RGS7: variants seen among roughly 807,000 people sequenced by gnomAD.
RGS7 encodes regulator of G protein signaling 7.
In RGS7, 27 loss-of-function variants were observed where a neutral mutation model predicts 81.1. The ratio of observed to expected loss-of-function variants is 0.33; its 90% CI spans 0.25 to 0.46. RGS7 has a LOEUF of 0.46. Ranked by LOEUF, RGS7 falls within the 20% of genes least tolerant of loss-of-function variation. The pLI, the probability that RGS7 is intolerant of heterozygous loss-of-function variation, is 1.00. For synonymous variants in RGS7, 208 were observed against 207.7 expected, an observed-to-expected ratio of 1.00 and a Z score of -0.01; for missense variants, 396 against 607.4, an observed-to-expected ratio of 0.65 and a Z score of 3.66.
intron 3 of RGS7, among the ~76,000 whole-genome samples, chr1:241,016,341 G>A (rs538726220): frequency 1.7e-4 from 26 of 152,058 alleles, no homozygotes; most frequent in South Asian, 1.7e-3. Context: ...AACATCGTGA[G>A]ACCCTGTCTC....
intron 2 of RGS7, among the ~76,000 whole-genome samples, chr1:241,180,084 C>T (rs2071477044): frequency 6.6e-6 from 1 of 151,980 alleles, no homozygotes; most frequent in African/African-American, 2.4e-5. Context: ...CTGATAAACA[C>T]AGAAAGTGGG....
intron 2 of RGS7, among the ~76,000 whole-genome samples, chr1:241,170,236 T>G (rs1389061204): frequency 6.6e-6 from 1 of 152,222 alleles, no homozygotes; most frequent in East Asian, 1.9e-4. Flanking sequence ...TGCTTTCAAT[T>G]ATTTCCCAAA....
At chr1:240,983,299 A>C (rs577685067) in intron 3 of RGS7, among the ~76,000 whole-genome samples, 170 bp from the exon 4 acceptor site, 1 of 152,352 alleles carries the variant, frequency 6.6e-6, no homozygotes, top group South Asian at 2.1e-4. Flanking sequence ...CAAAGTATGG[A>C]TACTTAGCTG....
intron 18 of RGS7, among the ~76,000 whole-genome samples, chr1:240,788,110 G>A (rs1685370182): frequency 6.6e-6 from 1 of 152,186 alleles, no homozygotes; most frequent in Non-Finnish European, 1.5e-5. Context: ...CCCATTTTAA[G>A]TGTCACTCAG....
Position 240,855,034 on chromosome 1 carries a change from T to C in RGS7, c.609+13553A>G, listed in dbSNP as rs191043600. Among the ~76,000 whole-genome samples, 394 of 152,294 alleles carry C rather than the reference T, an allele frequency of 2.6e-3. 1 individual carries two copies. The highest frequency in any genetic ancestry group is 3.8e-3 in the Non-Finnish European group (259 of 68,028). Reference sequence around the variant, plus strand: ...TCCACAATTTTTCAGAGTATAAATGTGACATCTCTTTATAGAAAATTAAAA... The same window carrying C: ...TCCACAATTTTTCAGAGTATAAATGCGACATCTCTTTATAGAAAATTAAAA... On this transcript the variant is annotated intron_variant, in intron 9 of 18. Coordinates refer to ENST00000440928, the MANE Select transcript of RGS7 (RefSeq NM_001364886.1).
At chr1:240,854,867 A>C (rs1660780754) in intron 9 of RGS7, among the ~76,000 whole-genome samples, 1 of 152,142 alleles carries the variant, frequency 6.6e-6, no homozygotes, top group African/African-American at 2.4e-5. Context: ...CAGAGTTTCT[A>C]CATGTTGTCC....
At chr1:241,158,955 C>T (rs1452835953) in intron 2 of RGS7, among the ~76,000 whole-genome samples, 1 of 152,144 alleles carries the variant, frequency 6.6e-6, no homozygotes, top group Non-Finnish European at 1.5e-5. Flanking sequence ...CTATCTGTCT[C>T]TCCATCCATC....
chr1:240,898,009 G>C (rs1374958157), intron 6 of RGS7, among the ~76,000 whole-genome samples: 1 of 152,156 alleles, frequency 6.6e-6, no homozygotes, highest in Non-Finnish European at 1.5e-5. Context: ...GTTTAGCCTT[G>C]GGAGTGTGTA....
intron 2 of RGS7, chr1:241,305,454 C>T (rs1274709618): frequency 6.6e-6 from 1 of 151,582 alleles, no homozygotes; most frequent in Admixed American, 6.6e-5. Flanking sequence ...TCCCCTGAGA[C>T]ACTTATAAAA....
At chr1:240,777,001 T>G (rs1009898645) in intron 18 of RGS7, among the ~76,000 whole-genome samples, 3 of 152,128 alleles carry the variant, frequency 2.0e-5, no homozygotes, top group Non-Finnish European at 2.9e-5. Flanking sequence ...TCTAGAGAGA[T>G]AAGAAATTTG....
chr1:240,916,543 G>A (rs1672655225), intron 6 of RGS7, among the ~76,000 whole-genome samples: 1 of 152,098 alleles, frequency 6.6e-6, no homozygotes. Context: ...CTCAGAATGT[G>A]GCTGTATTTA....
chr1:241,281,588 T>C (rs1001642354), intron 2 of RGS7, among the ~76,000 whole-genome samples: 21 of 152,222 alleles, frequency 1.4e-4, no homozygotes, highest in Admixed American at 6.5e-5. Context: ...ATATGTACCA[T>C]AGATTGAGGC....
At chr1:240,818,587 T>C (rs886627746) in intron 10 of RGS7, among the ~76,000 whole-genome samples, 1 of 152,222 alleles carries the variant, frequency 6.6e-6, no homozygotes, top group African/African-American at 2.4e-5. Flanking sequence ...TTATGTGTTA[T>C]ATACATAATG....
chr1:240,883,315 A>G (rs1268297094), intron 6 of RGS7, among the ~76,000 whole-genome samples: 1 of 152,112 alleles, frequency 6.6e-6, no homozygotes, highest in African/African-American at 2.4e-5. Flanking sequence ...ATGTACCCTA[A>G]AACTTAAAGT....
chr1:240,838,004 TG>T (rs1297134151), intron 9 of RGS7, among the ~76,000 whole-genome samples: 1 of 152,180 alleles, frequency 6.6e-6, no homozygotes, highest in Admixed American at 6.5e-5. Flanking sequence ...ACAAAGGATA[TG>T]GGGGGCTCCT....
At chr1:240,907,223 G>T (rs1342567963) in intron 6 of RGS7, among the ~76,000 whole-genome samples, 1 of 152,122 alleles carries the variant, frequency 6.6e-6, no homozygotes, top group African/African-American at 2.4e-5. Flanking sequence ...CAATTGTCAT[G>T]CCTGAAAAAA....
In RGS7 at chr1:241,156,165, G is replaced by GATACATAC. The variant is rs1426152215; in HGVS notation, c.79-57404_79-57403insGTATGTAT. On this transcript the variant is annotated intron_variant, in intron 2 of 18. Coordinates refer to ENST00000440928, the MANE Select transcript of RGS7 (RefSeq NM_001364886.1). ...AGATAGATAGATAGATAGATAGATA[G>GATACATAC]ATAGATACATATACATAGACAGACA... Among the ~76,000 whole-genome samples the GATACATAC allele has an allele frequency of 1.3e-3, 190 of 143,880 alleles. 1 individual carries two copies. Among genetic ancestry groups the GATACATAC allele is most frequent in the African/African-American group, 4.9e-3 (180 of 36,798 alleles). 94.4% of individuals were successfully genotyped at this position (143,880 alleles called of 152,430 possible).
chr1:240,883,800 G>T (rs926867026), intron 6 of RGS7, among the ~76,000 whole-genome samples: 1 of 152,148 alleles, frequency 6.6e-6, no homozygotes, highest in African/African-American at 2.4e-5. Context: ...TGGCCCCTGG[G>T]CATGGTGGCT....
intron 3 of RGS7, among the ~76,000 whole-genome samples, chr1:240,992,365 G>A (rs141538603): frequency 9.1e-4 from 138 of 152,130 alleles, no homozygotes; most frequent in Non-Finnish European, 1.5e-3. Context: ...TTAGCCAGGC[G>A]TGGTGGCGTG....
Sources: allele counts gnomAD v4.1 joint callset (sites outside exome capture counted in the v4.1 genomes callset), GRCh38; gene constraint gnomAD v4.1.1; transcripts MANE v1.5; gene names NCBI Gene and HGNC (gene_info 2026-07-23, HGNC 2026-07-21).